C2: variants seen among roughly 807,000 people sequenced by gnomAD.
The protein encoded by C2 is complement C2.
Under a neutral mutation model 85.2 loss-of-function variants are expected in C2, and 64 were observed. That is an observed-to-expected ratio of 0.75 (90% CI 0.61 to 0.92). The LOEUF (loss-of-function observed/expected upper bound fraction) is 0.92. Among genes scored for constraint, C2 ranks in the 40% least tolerant of loss-of-function variants. The pLI is 0.00. For synonymous variants in C2, 311 were observed against 370.8 expected, an observed-to-expected ratio of 0.84 and a Z score of 1.85; for missense variants, 820 against 971.6, an observed-to-expected ratio of 0.84 and a Z score of 2.07.
chr6:31,937,544 T>C, intron 8 of C2, 85 bp downstream of exon 8: 1 of 1,540,368 alleles, frequency 6.5e-7, no homozygotes, highest in South Asian at 1.1e-5. Context: ...TGATTCTCCC[T>C]CTGCCTGCCA....
chr6:31,919,439 C>T (rs909510862), upstream of C2, among the ~76,000 whole-genome samples: 8 of 152,166 alleles, frequency 5.3e-5, no homozygotes, highest in Non-Finnish European at 1.2e-4. Context: ...GCCACTGGGC[C>T]TGGCCTTGAA....
chr6:31,934,390 G>T, intron 6 of C2, 91 bp downstream of exon 6: 2 of 1,527,348 alleles, frequency 1.3e-6, no homozygotes. Context: ...CCCACTCACA[G>T]CCCACCTCCT....
rs190529015 is a variant in C2, at chr6:31,910,873, G to A, written c.73+9734G>A. 2.8e-3 allele frequency among the ~76,000 whole-genome samples: 425 copies of A among 151,998 alleles called. 5 individuals carry two copies. The highest frequency in any genetic ancestry group is 8.3e-3 in the African/African-American group (344 of 41,404). ...CGCATGCCTGTAATCCCAGCTACTC[G>A]GGAGGCTGAGGCAGGATAATCTCTT... On this transcript the variant is annotated intron_variant, in intron 1 of 3. Coordinates refer to the C2 transcript ENST00000452202.
chr6:31,942,856 T>C, intron 9 of C2, 103 bp from the exon 10 acceptor site: 3 of 1,441,950 alleles, frequency 2.1e-6, no homozygotes, highest in Middle Eastern at 2.4e-4. Flanking sequence ...GTCCAGCTCA[T>C]GTAGGTCTTG....
intron 9 of C2, among the ~76,000 whole-genome samples, chr6:31,942,428 T>A (rs1325583803): frequency 6.6e-6 from 1 of 151,246 alleles, no homozygotes; most frequent in Non-Finnish European, 1.5e-5. Context: ...TTACAGGGAA[T>A]AAACAGGATA....
intron 1 of C2, among the ~76,000 whole-genome samples, chr6:31,912,996 C>A (rs1768224624): frequency 7.0e-6 from 1 of 143,220 alleles, no homozygotes; most frequent in Non-Finnish European, 1.5e-5. Flanking sequence ...GATTTCAAGA[C>A]CACTCTGGGT....
In C2 at chr6:31,942,983, AGCTG is replaced by A. The variant is rs1771007443; in HGVS notation, c.1246_1249del (p.Leu416MetfsTer7). 1.2e-6 allele frequency: 2 copies of A among 1,613,096 alleles called. No homozygotes were observed. Among genetic ancestry groups the A allele is most frequent in the Non-Finnish European group, 1.7e-6 (2 of 1,180,038 alleles). On this transcript the variant is annotated frameshift_variant, in exon 10 of 18. Coordinates refer to ENST00000299367, the MANE Select transcript of C2 (RefSeq NM_000063.6). LOFTEE classifies it high-confidence loss of function. ...GACATCTATGCCATCGGGGTGGGCA[AGCTG>A]GATGTGGACTGGAGAGAACTGAATG...
At chr6:31,910,029 C>A (rs1330855083) in intron 1 of C2, among the ~76,000 whole-genome samples, 3 of 151,502 alleles carry the variant, frequency 2.0e-5, no homozygotes, top group Admixed American at 6.6e-5. Flanking sequence ...TACAGTCACG[C>A]GCCACCACGC....
intron 1 of C2, among the ~76,000 whole-genome samples, chr6:31,914,879 C>T (rs1768392334): frequency 6.6e-6 from 1 of 152,128 alleles, no homozygotes; most frequent in South Asian, 2.1e-4. Flanking sequence ...CACCACTGCA[C>T]TCCAGCCTGG....
rs544797665 is a variant in C2, at chr6:31,943,181, GC to G, written c.1361-40del. Reference sequence around the variant, plus strand: ...CCCGTGTTGGGAACCTGGACACAGTGCCCCTCACTTGCCTCCTTCCCCATCT... The same window carrying G: ...CCCGTGTTGGGAACCTGGACACAGTGCCCTCACTTGCCTCCTTCCCCATCT... On this transcript the variant is annotated intron_variant, in intron 10 of 17. Transcript: ENST00000299367. This position sits in a 1 kb window ranked among gnomAD's most constrained non-coding sequence, Gnocchi z 6.4. 34 of 1,611,658 alleles carry G rather than the reference GC, an allele frequency of 2.1e-5. No homozygotes were observed. The East Asian group carries it at 4.0e-4, about 19-fold the overall frequency.
Position 31,921,699 on chromosome 6 carries a change from G to C in C2, c.-100+1673G>C, listed in dbSNP as rs1445228718. Among the ~76,000 whole-genome samples, 3 of 152,126 alleles carry C rather than the reference G, an allele frequency of 2.0e-5. No individual in the cohort carries two copies. The highest frequency in any genetic ancestry group is 4.4e-5 in the Non-Finnish European group (3 of 68,034). On this transcript the variant is annotated intron_variant, in intron 1 of 3. Transcript: ENST00000413154. This position sits in a 1 kb window ranked among gnomAD's most constrained non-coding sequence, Gnocchi z 4.6. ...CTCAGTTCCCTCATCTGTAAAGTGG[G>C]AGTAACAACAGAACCTGTGTCATAA...
intron 1 of C2, among the ~76,000 whole-genome samples, chr6:31,910,767 G>A (rs1158918186): frequency 1.3e-5 from 2 of 151,706 alleles, no homozygotes; most frequent in Non-Finnish European, 2.9e-5. Context: ...ATCACTTGAG[G>A]TCAGGAGTTC....
rs1771119650 is a variant in C2 at position 31,943,937 on chromosome 6, C to CCATCGTGCA, written c.1754_1755insCATCGTGCA (p.Thr585_Met586insIleValGln). 1.5e-5 allele frequency: 24 copies of CCATCGTGCA among 1,612,752 alleles called. No individual in the cohort carries two copies. Among genetic ancestry groups the CCATCGTGCA allele is most frequent in the Non-Finnish European group, 2.0e-5 (24 of 1,180,014 alleles). ...CCCAGGCCCATCTGCCTTCCCTGCACGATGGAGGCCAATCTGGCTCTGCGG... is the reference window on the plus strand; with the variant it reads ...CCCAGGCCCATCTGCCTTCCCTGCACCATCGTGCAGATGGAGGCCAATCTGGCTCTGCGG... On this transcript the variant is annotated inframe_insertion, in exon 14 of 18. Coordinates refer to ENST00000299367, the MANE Select transcript of C2 (RefSeq NM_000063.6). The surrounding 1 kb of genome is among the most constrained non-coding windows in gnomAD (Gnocchi z 6.4).
intron 1 of C2, among the ~76,000 whole-genome samples, chr6:31,913,122 A>T (rs1159507577): frequency 6.6e-6 from 1 of 150,750 alleles, no homozygotes; most frequent in Admixed American, 6.6e-5. Context: ...ATTATTATTT[A>T]TCTTAATGAG....
In C2 at chr6:31,944,907, T is replaced by C; in HGVS notation, c.2029+54T>C. On this transcript the variant is annotated intron_variant, in intron 16 of 17. Transcript: ENST00000299367. The surrounding 1 kb of genome is among the most constrained non-coding windows in gnomAD (Gnocchi z 5.1). ...AAGGGGAAGGCCACCTGTGTCTCTG[T>C]GGCCAGCATGCATGCCAGAACACCA... 6.2e-7 allele frequency: 1 copy of C among 1,612,960 alleles called. No individual in the cohort carries two copies. The highest frequency in any genetic ancestry group is 2.2e-5 in the East Asian group (1 of 44,886).
At position 31,928,761 on chromosome 6, in the gene C2, G is replaced by C; in HGVS notation, c.286G>C (p.Glu96Gln). The change falls in exon 3 of 18, where the codon GAG (glutamate) becomes CAG (glutamine). Residue 96 changes from glutamate (E) to glutamine (Q), a missense_variant. Transcript: ENST00000299367. ...GCGCTGTCCAGCCCCTGTCTCCTTT[G>C]AGAATGGCATTTATACCCCACGGCT... ...PVRCPAPVSFENGIYTPRLGS... is the reference protein window; with the variant it reads ...PVRCPAPVSFQNGIYTPRLGS... 6.2e-7 allele frequency: 1 copy of C among 1,614,234 alleles called. No homozygotes were observed.
At chr6:31,938,458 A>G (rs755598307) in intron 8 of C2, among the ~76,000 whole-genome samples, 11 of 113,968 alleles carry the variant, frequency 9.7e-5, no homozygotes, top group South Asian at 2.9e-4. Flanking sequence ...ATATGTATGT[A>G]TATATATATA....
intron 1 of C2, among the ~76,000 whole-genome samples, chr6:31,908,146 ATT>A (rs982568692): frequency 1.9e-4 from 23 of 120,630 alleles, no homozygotes; most frequent in Non-Finnish European, 1.9e-4. Flanking sequence ...GCACCCGGCC[ATT>A]TTTTTTTTTT....
At chr6:31,917,170 C>G (rs1327682102), upstream of C2, among the ~76,000 whole-genome samples, 1 of 100,228 alleles carries the variant, frequency 1.0e-5, no homozygotes, top group African/African-American at 3.9e-5. Flanking sequence ...GACTCTGTCT[C>G]AGAAAAAAAA....
Sources: allele counts gnomAD v4.1 joint callset (sites outside exome capture counted in the v4.1 genomes callset), GRCh38; gene constraint gnomAD v4.1.1; non-coding constraint Gnocchi (gnomAD v3.1); transcripts MANE v1.5; gene names NCBI Gene and HGNC (gene_info 2026-07-23, HGNC 2026-07-21).